GABRR3: variants seen among roughly 807,000 people sequenced by gnomAD.
The protein encoded by GABRR3 is gamma-aminobutyric acid type A receptor subunit rho3.
Under a neutral mutation model 43.2 loss-of-function variants are expected in GABRR3, and 29 were observed. The observed-to-expected ratio is 0.67, with a 90% CI of 0.50 to 0.92. The LOEUF (loss-of-function observed/expected upper bound fraction) is 0.92. Among genes scored for constraint, GABRR3 ranks in the 40% least tolerant of loss-of-function variants. The pLI is 0.00. For synonymous variants in GABRR3, 206 were observed against 195.9 expected, an observed-to-expected ratio of 1.05 and a Z score of -0.43; for missense variants, 576 against 572.3, an observed-to-expected ratio of 1.01 and a Z score of -0.07.
chr3:98,025,496 G>C (rs558872670), intron 3 of GABRR3, 71 bp downstream of exon 3: 1 of 1,034,248 alleles, frequency 9.7e-7, no homozygotes, highest in African/African-American at 1.6e-5. Context: ...TTTTGGTCTT[G>C]TTTTAAATTT....
At chr3:98,009,607 T>C (rs958421114) in intron 5 of GABRR3, among the ~76,000 whole-genome samples, 1 of 152,064 alleles carries the variant, frequency 6.6e-6, no homozygotes, top group African/African-American at 2.4e-5. Flanking sequence ...ATGAGAACGG[T>C]TTTTTCAAAT....
In GABRR3 at chr3:97,994,198, C is replaced by T. The variant is rs566438689; in HGVS notation, c.908-1150G>A. ...TGATTTACTCCTAAATGTACAGCCACAGCATGTGGACTGCTTTCACCAACA... is the reference window on the plus strand; with the variant it reads ...TGATTTACTCCTAAATGTACAGCCATAGCATGTGGACTGCTTTCACCAACA... On this transcript the variant is annotated intron_variant, in intron 8 of 9. Transcript: ENST00000621172. Among the ~76,000 whole-genome samples, 11 of 152,346 alleles carry T rather than the reference C, an allele frequency of 7.2e-5. No homozygotes were observed. The South Asian group carries it at 1.5e-3, about 20-fold the overall frequency.
intron 4 of GABRR3, among the ~76,000 whole-genome samples, chr3:98,017,384 A>G (rs879751035): frequency 6.6e-6 from 1 of 152,184 alleles, no homozygotes; most frequent in Admixed American, 6.5e-5. Flanking sequence ...TTCTTGCTAC[A>G]TTGGTAAATA....
At chr3:98,027,357 A>T (rs986810881) in intron 2 of GABRR3, among the ~76,000 whole-genome samples, 1 of 152,242 alleles carries the variant, frequency 6.6e-6, no homozygotes, top group African/African-American at 2.4e-5. Flanking sequence ...CATTTAATAA[A>T]TCTAACTACT....
At chr3:98,012,312 G>A in intron 5 of GABRR3, 32 bp downstream of exon 5, 3 of 1,547,384 alleles carry the variant, frequency 1.9e-6, no homozygotes, top group Non-Finnish European at 2.7e-6. Context: ...TGCAGTACAG[G>A]GAAGCCAAAG....
At chr3:98,012,748 T>A (rs1353855190) in intron 4 of GABRR3, among the ~76,000 whole-genome samples, 181 bp from the exon 5 acceptor site, 1 of 152,178 alleles carries the variant, frequency 6.6e-6, no homozygotes, top group Non-Finnish European at 1.5e-5. Flanking sequence ...GAGCTTCTCC[T>A]TCACATGGAG....
chr3:97,993,153 G>A (rs937130), intron 8 of GABRR3, 105 bp from the exon 9 acceptor site: 375,726 of 832,936 alleles, frequency 0.45, 88,801 homozygotes, highest in East Asian at 0.54. Context: ...TATCAACCTG[G>A]TGATCCAAGA....
chr3:98,021,808 A>C (rs1706951201), intron 3 of GABRR3, among the ~76,000 whole-genome samples: 1 of 152,222 alleles, frequency 6.6e-6, no homozygotes, highest in Admixed American at 6.5e-5. Context: ...TTTGGTTTTT[A>C]TGCAGGCTGG....
At chr3:98,033,008 A>C (rs980368376) in intron 2 of GABRR3, among the ~76,000 whole-genome samples, 1 of 152,172 alleles carries the variant, frequency 6.6e-6, no homozygotes, top group Admixed American at 6.5e-5. Context: ...GACTCTATAC[A>C]GTAATTACTG....
chr3:97,986,000 C>T (rs1576032069), downstream of GABRR3, among the ~76,000 whole-genome samples: 1 of 152,044 alleles, frequency 6.6e-6, no homozygotes, highest in African/African-American at 2.4e-5. Flanking sequence ...CCAAGTAGCA[C>T]AGACTACAGG....
At chr3:97,995,073 G>A (rs1351608793) in intron 8 of GABRR3, among the ~76,000 whole-genome samples, 2 of 152,048 alleles carry the variant, frequency 1.3e-5, no homozygotes, top group Admixed American at 6.6e-5. Context: ...CCGCCTCCTG[G>A]GTTCAAGTGA....
At chr3:98,021,028 A>AT (rs571908262) in intron 3 of GABRR3, among the ~76,000 whole-genome samples, 25 of 148,010 alleles carry the variant, frequency 1.7e-4, no homozygotes, top group East Asian at 5.9e-4. Flanking sequence ...CCCCTGGATA[A>AT]TTTTTTTTTT....
intron 4 of GABRR3, among the ~76,000 whole-genome samples, chr3:98,016,320 T>G (rs1034456044): frequency 6.6e-6 from 1 of 152,134 alleles, no homozygotes; most frequent in Non-Finnish European, 1.5e-5. Flanking sequence ...TCTTCTCCCT[T>G]CTTCACCCCT....
At chr3:98,012,521 C>G in exon 5 of GABRR3, 2 of 1,613,936 alleles carry the variant, frequency 1.2e-6, no homozygotes, top group Non-Finnish European at 1.7e-6. Context: ...AAAGGAGAGC[C>G]TCTCGTCTTT....
chr3:98,027,692 T>G lies in GABRR3; in HGVS notation c.126-2013A>C, dbSNP rs1006330474. ...CTTTTTTTGTATTTTTTATACCTTC[T>G]ATTTCCCAAAAAGGATCTGTTGCTT... On this transcript the variant is annotated intron_variant, in intron 2 of 9. Transcript: ENST00000621172. Among the ~76,000 whole-genome samples the G allele has an allele frequency of 2.6e-4, 39 of 152,348 alleles. 1 individual carries two copies. The highest frequency in any genetic ancestry group is 7.5e-4 in the African/African-American group (31 of 41,590).
At chr3:98,010,562 T>C (rs1054837470) in intron 5 of GABRR3, among the ~76,000 whole-genome samples, 5 of 152,088 alleles carry the variant, frequency 3.3e-5, no homozygotes, top group African/African-American at 1.2e-4. Flanking sequence ...TAAACAAAGA[T>C]ACTCTCATCA....
At chr3:97,996,969 G>A (rs778741317) in intron 8 of GABRR3, among the ~76,000 whole-genome samples, 4 of 152,086 alleles carry the variant, frequency 2.6e-5, no homozygotes, top group Non-Finnish European at 5.9e-5. Flanking sequence ...TAACAACTAC[G>A]TACTGAATAT....
chr3:98,026,690 A>T (rs1707023538), intron 2 of GABRR3, among the ~76,000 whole-genome samples: 1 of 152,040 alleles, frequency 6.6e-6, no homozygotes, highest in South Asian at 2.1e-4. Flanking sequence ...TGAGGGCTCT[A>T]CTAAGTGGAT....
chr3:98,033,697 A>G (rs1027340696), intron 2 of GABRR3, among the ~76,000 whole-genome samples: 3 of 152,190 alleles, frequency 2.0e-5, no homozygotes, highest in African/African-American at 7.2e-5. Flanking sequence ...TATGAAAAAA[A>G]ATAGAGTCTG....
Sources: allele counts gnomAD v4.1 joint callset (sites outside exome capture counted in the v4.1 genomes callset), GRCh38; gene constraint gnomAD v4.1.1; transcripts MANE v1.5; gene names NCBI Gene and HGNC (gene_info 2026-07-23, HGNC 2026-07-21).